The following ERICH1 variants were observed in gnomAD, a reference collection of about 807,000 sequenced individuals.
ERICH1 encodes the protein glutamate-rich protein 1.
In ERICH1, 56 loss-of-function variants were observed where a neutral mutation model predicts 39.6. The observed-to-expected ratio is 1.41, with a 90% CI of 1.14 to 1.77. The LOEUF is 1.77. Ranked by LOEUF, ERICH1 falls within the 40% of genes most tolerant of loss-of-function variation. The probability of loss-of-function intolerance (pLI) is 0.00; values close to 1 mark genes in which losing one functional copy is unlikely to be tolerated. For missense variants in ERICH1, 826 were observed against 575.4 expected (o/e 1.44, Z -4.45); for synonymous variants, 313 against 223.6 (o/e 1.40, Z -3.57).
At chr8:662,829 C>T (rs904481683), downstream of ERICH1, among the ~76,000 whole-genome samples, 4 of 152,100 alleles carry the variant, frequency 2.6e-5, no homozygotes, top group Non-Finnish European at 5.9e-5. Context: ...CTGGCCACTC[C>T]CACGCCTCAC....
At chr8:710,452 C>T (rs957118754) in intron 2 of ERICH1, among the ~76,000 whole-genome samples, 34 of 150,606 alleles carry the variant, frequency 2.3e-4, no homozygotes, top group African/African-American at 8.1e-4. Flanking sequence ...CACTGTCCTG[C>T]AAGTCCTCTG....
intron 2 of ERICH1, among the ~76,000 whole-genome samples, chr8:715,041 C>A (rs1198400443): frequency 1.3e-5 from 2 of 151,968 alleles, no homozygotes; most frequent in Non-Finnish European, 2.9e-5. Flanking sequence ...TGGTCTATTC[C>A]CGTGTCTCTC....
At chr8:645,438 G>C (rs1176870482) in intron 3 of ERICH1, among the ~76,000 whole-genome samples, 1 of 69,158 alleles carries the variant, frequency 1.4e-5, no homozygotes, top group African/African-American at 3.6e-5. Context: ...CCGCATGCCT[G>C]ATACTGTGCT....
chr8:615,370 G>A (rs954235958), intron 3 of ERICH1: 4 of 574,220 alleles, frequency 7.0e-6, no homozygotes, highest in Admixed American at 6.7e-5. Flanking sequence ...CGATTGCTGG[G>A]ATAAAGAGAT....
intron 3 of ERICH1, among the ~76,000 whole-genome samples, chr8:687,627 G>C (rs1290256399): frequency 6.6e-6 from 1 of 152,212 alleles, no homozygotes; most frequent in Non-Finnish European, 1.5e-5. Flanking sequence ...GAGCGCAGCA[G>C]GAGGAAGGCA....
At chr8:719,334 T>C (rs1362948655) in intron 1 of ERICH1, among the ~76,000 whole-genome samples, 5 of 152,228 alleles carry the variant, frequency 3.3e-5, no homozygotes, top group African/African-American at 1.2e-4. Context: ...TCCACCATCA[T>C]GACATCTCTT....
chr8:627,196 C>A (rs1325043486), intron 3 of ERICH1: 1 of 456,258 alleles, frequency 2.2e-6, no homozygotes, highest in South Asian at 1.5e-5. Context: ...TGCTGTGTGA[C>A]CTGTACCATT....
chr8:727,427 G>C (rs1286033948), intron 1 of ERICH1, among the ~76,000 whole-genome samples: 1 of 152,216 alleles, frequency 6.6e-6, no homozygotes, highest in Non-Finnish European at 1.5e-5. Context: ...AGATGACAGG[G>C]AGATGGTGAA....
In ERICH1 at chr8:623,935, A is replaced by AATGAT. The variant is rs564370163; in HGVS notation, c.977-8656_977-8652dup. On this transcript the variant is annotated intron_variant, in intron 3 of 3. Coordinates refer to the ERICH1 transcript ENST00000522706. The stretch of plus-strand genomic sequence containing the variant: ...TTAAAATTAAAACTTTTTTGTTGCA[A>AATGAT]ATGATACCACTAATAAAGAAGACAA... Among the ~76,000 whole-genome samples the AATGAT allele has an allele frequency of 3.9e-5, 6 of 152,350 alleles. No homozygotes were observed. In the South Asian group the frequency reaches 1.2e-3, roughly 32 times the overall value.
chr8:673,501 C>T lies in ERICH1; in HGVS notation c.851G>A (p.Arg284Gln), dbSNP rs202018896. The change falls in exon 4 of 6, where the codon CGG becomes CAG. Residue 284 changes from arginine (R) to glutamine (Q), a missense_variant. Coordinates refer to ENST00000262109, the MANE Select transcript of ERICH1 (RefSeq NM_207332.3). The stretch of plus-strand genomic sequence containing the variant: ...GTCTTTACCGTCTTCCTCCCCGGCC[C>T]GTGTCAGGTCTTCCTCAATGGTGTC... Reference protein sequence around the residue: ...GVDTIEEDLTRAGEEDGKDTR... With the variant: ...GVDTIEEDLTQAGEEDGKDTR... The T allele has an allele frequency of 3.7e-6, 6 of 1,610,820 alleles. No individual in the cohort carries two copies. Among genetic ancestry groups the T allele is most frequent in the Middle Eastern group, 3.3e-4 (2 of 6,048 alleles).
chr8:615,195 G>C (rs576988377), exon 4 of ERICH1: 33 of 658,760 alleles, frequency 5.0e-5, no homozygotes, highest in Non-Finnish European at 8.3e-5. Context: ...TCTTGACCTG[G>C]AATTGTCCAA....
chr8:654,225 A>C (rs1800328769), intron 3 of ERICH1, among the ~76,000 whole-genome samples: 1 of 152,244 alleles, frequency 6.6e-6, no homozygotes, highest in African/African-American at 2.4e-5. Context: ...AATACGCCAA[A>C]GGCTTTAAGA....
intron 1 of ERICH1, among the ~76,000 whole-genome samples, chr8:727,809 G>C (rs7011127): frequency 6.6e-6 from 1 of 152,018 alleles, no homozygotes. Flanking sequence ...GGCACCACTG[G>C]ACCACCTTGA....
rs756000255 is a variant in ERICH1 at position 692,626 on chromosome 8, G to C, written c.170-14C>G. 1.9e-6 allele frequency: 3 copies of C among 1,561,098 alleles called. No individual in the cohort carries two copies. The East Asian group carries it at 7.0e-5, about 37-fold the overall frequency. On this transcript the variant is annotated splice_polypyrimidine_tract_variant and intron_variant, in intron 2 of 5. Transcript: ENST00000262109. ...CAGAGCCAGTGTCTGCAACACAGGA[G>C]GAAAATAACAGGAACTGGTAAATAT...
At chr8:660,268 T>G (rs1280259147), downstream of ERICH1, among the ~76,000 whole-genome samples, 2 of 152,252 alleles carry the variant, frequency 1.3e-5, no homozygotes, top group Non-Finnish European at 2.9e-5. Context: ...GTGATGAGGC[T>G]TGGCAGTTGT....
Position 668,720 on chromosome 8 carries a change from T to C in ERICH1, c.1136A>G (p.His379Arg). Residue 379 changes from histidine to arginine, a missense_variant, in exon 5 of 6, where the codon CAC (histidine) becomes CGC (arginine). Coordinates refer to ENST00000262109, the MANE Select transcript of ERICH1 (RefSeq NM_207332.3). The part of the protein sequence containing the change: ...AEELLDRLAS[H>R]SMLPSDVSIL... ...GGACACGTCTGAGGGCAGCATGCTG[T>C]GTGACGCAAGGCGGTCCAGCAGCTC... 2 of 1,613,934 alleles carry C rather than the reference T, an allele frequency of 1.2e-6. No individual in the cohort carries two copies. The highest frequency in any genetic ancestry group is 8.5e-7 in the Non-Finnish European group (1 of 1,179,928).
intron 2 of ERICH1, among the ~76,000 whole-genome samples, chr8:693,530 T>G (rs1809427548): frequency 6.6e-6 from 1 of 152,222 alleles, no homozygotes; most frequent in South Asian, 2.1e-4. Context: ...CTCCCCGCTG[T>G]ATGCTCCTCT....
intron 1 of ERICH1, 92 bp downstream of exon 1, chr8:731,048 G>T: frequency 7.5e-7 from 1 of 1,337,108 alleles, no homozygotes; most frequent in Non-Finnish European, 9.6e-7. Flanking sequence ...GGCCTGGAAA[G>T]GGGCCGGGGT....
At chr8:661,629 C>T (rs1236977874), downstream of ERICH1, among the ~76,000 whole-genome samples, 2 of 152,198 alleles carry the variant, frequency 1.3e-5, no homozygotes, top group Non-Finnish European at 2.9e-5. Flanking sequence ...TATCTAACTT[C>T]AAACACAGTG....
Sources: gnomAD v4.1 joint callset for allele counts (sites outside exome capture counted in the v4.1 genomes callset) on GRCh38, gnomAD v4.1.1 for gene constraint, MANE v1.5 for transcripts, NCBI Gene and HGNC (gene_info 2026-07-23, HGNC 2026-07-21) for gene names.